The following COL5A1 variants were observed in gnomAD, a reference collection of about 807,000 sequenced individuals.
COL5A1 encodes the protein collagen type V alpha 1 chain.
Under a neutral mutation model 263.7 loss-of-function variants are expected in COL5A1, and 16 were observed. The ratio of observed to expected loss-of-function variants is 0.06; its 90% CI spans 0.04 to 0.09. The LOEUF (loss-of-function observed/expected upper bound fraction) is 0.09, where lower values mean the gene tolerates loss of function less well. Among genes scored for constraint, COL5A1 ranks in the 10% least tolerant of loss-of-function variants. COL5A1 has a pLI of 1.00. For synonymous variants in COL5A1, 1,012 were observed against 1,004.5 expected (o/e 1.01, Z -0.14); for missense variants, 2,036 against 2,540.5 (o/e 0.80, Z 4.27).
At chr9:134,737,428 A>T (rs1057062950) in intron 9 of COL5A1, among the ~76,000 whole-genome samples, 8 of 152,046 alleles carry the variant, frequency 5.3e-5, no homozygotes, top group African/African-American at 1.7e-4. Flanking sequence ...GTTCCTGGGT[A>T]CCTCTTTGAA....
At chr9:134,823,391 G>A (rs370385806) in intron 60 of COL5A1, 25 bp from the exon 61 acceptor site, 7 of 1,613,876 alleles carry the variant, frequency 4.3e-6, no homozygotes, top group Non-Finnish European at 5.9e-6. Context: ...TGTGACCAAG[G>A]GTTGATTCTT....
chr9:134,827,114 G>A (rs1001168000), intron 63 of COL5A1, among the ~76,000 whole-genome samples: 6 of 152,212 alleles, frequency 3.9e-5, no homozygotes, highest in Non-Finnish European at 7.4e-5. Flanking sequence ...GGGCCGCAGC[G>A]GTTTGCTGTG....
At chr9:134,797,419 C>T (rs973867368) in intron 36 of COL5A1, among the ~76,000 whole-genome samples, 2 of 152,320 alleles carry the variant, frequency 1.3e-5, no homozygotes, top group African/African-American at 4.8e-5. Flanking sequence ...TGTGCACACT[C>T]ACCCTGGCCA....
At position 134,642,800 on chromosome 9, in the gene COL5A1, C is replaced by T. The variant is rs543609249; in HGVS notation, c.109+504C>T. Reference sequence around the variant, plus strand: ...ACTGAACTTCCCCCAGGCACTGTCACTCTAGGCTGAGCTGGCGCCCTGCTT... The same window carrying T: ...ACTGAACTTCCCCCAGGCACTGTCATTCTAGGCTGAGCTGGCGCCCTGCTT... On this transcript the variant is annotated intron_variant, in intron 1 of 65. Transcript: ENST00000371817. This position sits in a 1 kb window ranked among gnomAD's most constrained non-coding sequence, Gnocchi z 4.5. 8.5e-5 allele frequency among the ~76,000 whole-genome samples: 13 copies of T among 152,294 alleles called. No individual in the cohort carries two copies. In the East Asian group the frequency reaches 2.5e-3, roughly 30 times the overall value.
intron 26 of COL5A1, among the ~76,000 whole-genome samples, chr9:134,773,864 G>A (rs1040371868): frequency 1.3e-5 from 2 of 152,202 alleles, no homozygotes; most frequent in Non-Finnish European, 2.9e-5. Context: ...CTTGAAGGTC[G>A]CAGCAGCCAC....
intron 1 of COL5A1, among the ~76,000 whole-genome samples, chr9:134,676,603 G>C (rs948571712): frequency 6.4e-5 from 5 of 77,538 alleles, no homozygotes; most frequent in Admixed American, 1.3e-4. Flanking sequence ...TGCTGCTCCC[G>C]AAAGGCTCCT....
At position 134,794,951 on chromosome 9, in the gene COL5A1, G is replaced by A. The variant is rs910649281; in HGVS notation, c.2701-131G>A. ...TCCTATTAAAACACGGAAAAGGTGG[G>A]TGGCGGGGAGGCCCAGGTTCCTCCT... is the stretch of plus-strand genomic sequence containing the variant. On this transcript the variant is annotated intron_variant, in intron 32 of 65. Coordinates refer to ENST00000371817, the MANE Select transcript of COL5A1 (RefSeq NM_000093.5). This position sits in a 1 kb window ranked among gnomAD's most constrained non-coding sequence, Gnocchi z 4.3. The A allele has an allele frequency of 7.6e-6, 7 of 926,006 alleles. No homozygotes were observed. The highest frequency in any genetic ancestry group is 1.2e-5 in the Non-Finnish European group (7 of 579,978). The allele number at this position is 926,006 out of a possible 1,614,324, so 57.4% of individuals were successfully genotyped here.
chr9:134,803,965 C>T (rs1838203835), intron 39 of COL5A1, among the ~76,000 whole-genome samples: 1 of 152,196 alleles, frequency 6.6e-6, no homozygotes, highest in Non-Finnish European at 1.5e-5. Context: ...CATATCTCCT[C>T]CCCTGGGCGC....
chr9:134,658,831 A>C (rs1448451630), intron 1 of COL5A1, among the ~76,000 whole-genome samples: 1 of 152,184 alleles, frequency 6.6e-6, no homozygotes, highest in Non-Finnish European at 1.5e-5. Flanking sequence ...GGCCCTCTTC[A>C]AGGTCTCTCC....
chr9:134,825,643 T>G, intron 62 of COL5A1, 149 bp from the exon 63 acceptor site: 4 of 612,482 alleles, frequency 6.5e-6, no homozygotes, highest in Non-Finnish European at 1.2e-5. Context: ...CAAAATGCAA[T>G]AAAGTAAACC....
rs1408215225 is a variant in COL5A1, at chr9:134,716,485, C to G, written c.655-10781C>G. On this transcript the variant is annotated intron_variant, in intron 4 of 65. Coordinates refer to ENST00000371817, the MANE Select transcript of COL5A1 (RefSeq NM_000093.5). This position sits in a 1 kb window ranked among gnomAD's most constrained non-coding sequence, Gnocchi z 4.5. Reference sequence around the variant, plus strand: ...AGATGTGGAGAAGGAGCAGCTCAAGCGTGCACTGCCCAAGCCACAAGTGCA... The same window carrying G: ...AGATGTGGAGAAGGAGCAGCTCAAGGGTGCACTGCCCAAGCCACAAGTGCA... Among the ~76,000 whole-genome samples the G allele has an allele frequency of 6.6e-6, 1 of 152,170 alleles. No homozygotes were observed. Among genetic ancestry groups the G allele is most frequent in the South Asian group, 2.1e-4 (1 of 4,822 alleles).
At chr9:134,710,161 G>T (rs1256096392) in intron 4 of COL5A1, among the ~76,000 whole-genome samples, 2 of 152,220 alleles carry the variant, frequency 1.3e-5, no homozygotes, top group Non-Finnish European at 2.9e-5. Context: ...GGGATGTTAG[G>T]CTTGTGGTGC....
At chr9:134,760,091 C>CA (rs1836268155) in intron 18 of COL5A1, among the ~76,000 whole-genome samples, 1 of 115,532 alleles carries the variant, frequency 8.7e-6, no homozygotes, top group African/African-American at 3.8e-5. Flanking sequence ...CGCATACACG[C>CA]CCACACACCC....
rs962228313 is a variant in COL5A1, at chr9:134,842,085, G to T, written c.5371-72G>T. On this transcript the variant is annotated intron_variant, in intron 65 of 65. Transcript: ENST00000371817. This position sits in a 1 kb window ranked among gnomAD's most constrained non-coding sequence, Gnocchi z 5.8. ...TGGGTTTTGGAGCCAGACAGATTGT[G>T]GGGGGTGATTGGTAAACCCCAAGAC... 49 of 1,560,664 alleles carry T rather than the reference G, an allele frequency of 3.1e-5. No individual in the cohort carries two copies. The highest frequency in any genetic ancestry group is 1.4e-5 in the African/African-American group (1 of 73,652).
In COL5A1 at chr9:134,652,298, C is replaced by T. The variant is rs778546768; in HGVS notation, c.109+10002C>T. 3.3e-5 allele frequency among the ~76,000 whole-genome samples: 5 copies of T among 149,926 alleles called. No individual in the cohort carries two copies. Among genetic ancestry groups the T allele is most frequent in the Middle Eastern group, 3.5e-3 (1 of 286 alleles). On this transcript the variant is annotated intron_variant, in intron 1 of 65. Transcript: ENST00000371817. The surrounding 1 kb of genome is among the most constrained non-coding windows in gnomAD (Gnocchi z 4.4). ...ACAGGGCGTCCTTGGGCCGGTGTGG[C>T]GGTAACAGTGAGCTGGTGACAGCAG... is the stretch of plus-strand genomic sequence containing the variant.
At position 134,738,407 on chromosome 9, in the gene COL5A1, C is replaced by T. The variant is rs1279693438; in HGVS notation, c.1390-67C>T. 10 of 1,590,498 alleles carry T rather than the reference C, an allele frequency of 6.3e-6. No individual in the cohort carries two copies. The East Asian group carries it at 1.3e-4, about 21-fold the overall frequency. On this transcript the variant is annotated intron_variant, in intron 9 of 65. Coordinates refer to ENST00000371817, the MANE Select transcript of COL5A1 (RefSeq NM_000093.5). ...TGCATGCAGCTGAAGGCCGTCCACA[C>T]CACTGGGGTCTGGGGTGTCGGGAGG...
chr9:134,652,310 G>A lies in COL5A1; in HGVS notation c.109+10014G>A, dbSNP rs1293250605. Among the ~76,000 whole-genome samples, 1 of 151,892 alleles carries A rather than the reference G, an allele frequency of 6.6e-6. No individual in the cohort carries two copies. The highest frequency in any genetic ancestry group is 1.5e-5 in the Non-Finnish European group (1 of 67,990). On this transcript the variant is annotated intron_variant, in intron 1 of 65. Transcript: ENST00000371817. This position sits in a 1 kb window ranked among gnomAD's most constrained non-coding sequence, Gnocchi z 4.4. ...TGGGCCGGTGTGGCGGTAACAGTGA[G>A]CTGGTGACAGCAGGCAGACCCAGTG...
At chr9:134,752,424 G>T (rs949630000) in intron 13 of COL5A1, among the ~76,000 whole-genome samples, 165 bp from the exon 14 acceptor site, 32 of 145,750 alleles carry the variant, frequency 2.2e-4, no homozygotes, top group Middle Eastern at 7.0e-3. Flanking sequence ...GAAGTCGGGG[G>T]GGGGGGGCCC....
Position 134,754,926 on chromosome 9 carries a change from A to G in COL5A1, c.1827+600A>G, listed in dbSNP as rs1302628518. Among the ~76,000 whole-genome samples the G allele has an allele frequency of 4.6e-5, 7 of 152,100 alleles. No individual in the cohort carries two copies. The highest frequency in any genetic ancestry group is 1.0e-4 in the Non-Finnish European group (7 of 68,014). On this transcript the variant is annotated intron_variant, in intron 16 of 65. Transcript: ENST00000371817. The surrounding 1 kb of genome is among the most constrained non-coding windows in gnomAD (Gnocchi z 4.3). ...TTCAACCAGCAGACCTTTCTGGTGA[A>G]CGAGAGAAATTTCGGTGCAGGGTTG...
Sources: allele counts gnomAD v4.1 joint callset (sites outside exome capture counted in the v4.1 genomes callset), GRCh38; gene constraint gnomAD v4.1.1; non-coding constraint Gnocchi (gnomAD v3.1); transcripts MANE v1.5; gene names NCBI Gene and HGNC (gene_info 2026-07-23, HGNC 2026-07-21).